ANKRD17: variants seen among roughly 807,000 people sequenced by gnomAD.
ANKRD17 encodes the protein ankyrin repeat domain-containing protein 17.
Under a neutral mutation model 229.7 loss-of-function variants are expected in ANKRD17, and 19 were observed. The observed-to-expected ratio is 0.08, with a 90% CI of 0.06 to 0.12. The LOEUF (loss-of-function observed/expected upper bound fraction) is 0.12, where lower values mean the gene tolerates loss of function less well. ANKRD17 is among the 10% of genes least tolerant of loss of function. ANKRD17 has a pLI of 1.00. For missense variants in ANKRD17, 2,176 were observed against 3,176.8 expected, an observed-to-expected ratio of 0.68 and a Z score of 7.57; for synonymous variants, 1,112 against 1,146.1, an observed-to-expected ratio of 0.97 and a Z score of 0.60.
At position 73,091,977 on chromosome 4, in the gene ANKRD17, G is replaced by A; in HGVS notation, c.5651C>T (p.Ala1884Val). 21 of 1,614,174 alleles carry A rather than the reference G, an allele frequency of 1.3e-5. No homozygotes were observed. The highest frequency in any genetic ancestry group is 1.8e-5 in the Non-Finnish European group (21 of 1,180,034). ...RPGFPVSLPL[A>V]YPPPQFAHAL... ...ATGTGCAAACTGTGGAGGAGGATATGCTAATGGAAGAGAAACTGGAAAACC... is the reference window on the plus strand; with the variant it reads ...ATGTGCAAACTGTGGAGGAGGATATACTAATGGAAGAGAAACTGGAAAACC... Residue 1884 changes from alanine to valine, a missense_variant, in exon 29 of 34, where the codon GCA becomes GTA. By Grantham distance (64) the Ala-to-Val change is moderately conservative. Coordinates refer to ENST00000358602, the MANE Select transcript of ANKRD17 (RefSeq NM_032217.5).
chr4:73,140,459 T>C (rs1363166205), intron 14 of ANKRD17, among the ~76,000 whole-genome samples, 176 bp from the exon 15 acceptor site: 1 of 152,196 alleles, frequency 6.6e-6, no homozygotes, highest in Non-Finnish European at 1.5e-5. Context: ...AAATATAAAA[T>C]GTATGTATTT....
intron 1 of ANKRD17, among the ~76,000 whole-genome samples, chr4:73,221,597 TAA>T (rs1411497978): frequency 6.6e-6 from 1 of 152,148 alleles, no homozygotes; most frequent in Non-Finnish European, 1.5e-5. Flanking sequence ...ACTGAACCAC[TAA>T]AAAGTCATGT....
intron 13 of ANKRD17, among the ~76,000 whole-genome samples, 183 bp downstream of exon 13, chr4:73,142,059 C>G (rs998895464): frequency 1.3e-5 from 2 of 152,022 alleles, no homozygotes; most frequent in Non-Finnish European, 2.9e-5. Flanking sequence ...AAAGCTAAAG[C>G]ATAATCATAT....
chr4:73,173,871 C>T (rs532793429), intron 2 of ANKRD17, among the ~76,000 whole-genome samples: 1 of 152,110 alleles, frequency 6.6e-6, no homozygotes, highest in Admixed American at 6.6e-5. Context: ...TCAGGGAAGG[C>T]AGCTAGCAGA....
chr4:73,129,494 G>T (rs1202914064), intron 16 of ANKRD17, among the ~76,000 whole-genome samples: 1 of 152,148 alleles, frequency 6.6e-6, no homozygotes, highest in East Asian at 1.9e-4. Context: ...GGGAGGCTGA[G>T]GCAGGAGGAT....
intron 1 of ANKRD17, among the ~76,000 whole-genome samples, chr4:73,204,283 C>T (rs1739129999): frequency 6.7e-6 from 1 of 149,686 alleles, no homozygotes. Flanking sequence ...ATGGCGTGAA[C>T]CCGAGAGGCG....
intron 30 of ANKRD17, 147 bp from the exon 31 acceptor site, chr4:73,079,037 T>A: frequency 9.7e-7 from 1 of 1,027,524 alleles, no homozygotes; most frequent in Non-Finnish European, 1.4e-6. Context: ...TGATGCATAT[T>A]AAAATTTGGC....
At chr4:73,242,139 C>G (rs913402703) in intron 1 of ANKRD17, among the ~76,000 whole-genome samples, 1 of 151,844 alleles carries the variant, frequency 6.6e-6, no homozygotes, top group Non-Finnish European at 1.5e-5. Context: ...TCAAAACTCA[C>G]GCAATAAGAG....
At chr4:73,100,817 A>C in intron 25 of ANKRD17, 2 of 981,832 alleles carry the variant, frequency 2.0e-6, no homozygotes, top group Non-Finnish European at 2.4e-6. Context: ...GGAGAAGGGA[A>C]ATTAAAAACA....
chr4:73,117,714 A>G (rs112312395), intron 22 of ANKRD17, among the ~76,000 whole-genome samples: 131 of 152,358 alleles, frequency 8.6e-4, no homozygotes, highest in African/African-American at 2.9e-3. Context: ...AGGGAATTTT[A>G]TCTACATATC....
chr4:73,099,665 C>T (rs577991207), intron 25 of ANKRD17, among the ~76,000 whole-genome samples: 5 of 152,208 alleles, frequency 3.3e-5, no homozygotes, highest in African/African-American at 7.2e-5. Context: ...GGTGCTGGCG[C>T]CAGGATTCCC....
chr4:73,249,752 A>T (rs1744819978), intron 1 of ANKRD17, among the ~76,000 whole-genome samples: 1 of 152,256 alleles, frequency 6.6e-6, no homozygotes, highest in South Asian at 2.1e-4. Context: ...GCTACCTGGG[A>T]GGCTGAGGCA....
chr4:73,113,695 CAAACA>C (rs774748139), intron 24 of ANKRD17, 92 bp downstream of exon 24: 283 of 997,492 alleles, frequency 2.8e-4, no homozygotes, highest in Non-Finnish European at 3.4e-4. Context: ...TAATTTAAAG[CAAACA>C]AAACAAAACA....
chr4:73,258,382 CCGCTGTTGT>C lies in ANKRD17; in HGVS notation c.278_286del (p.Asp93_Ser95del). The C allele has an allele frequency of 6.2e-7, 1 of 1,611,600 alleles. No individual in the cohort carries two copies. The highest frequency in any genetic ancestry group is 8.5e-7 in the Non-Finnish European group (1 of 1,179,640). ...GCCTCCACCGCCGCCTCCACCGCCG[CCGCTGTTGT>C]CGCTGTCGCTGCTGCTTTCGCTGCT... On this transcript the variant is annotated inframe_deletion, in exon 1 of 34. Coordinates refer to ENST00000358602, the MANE Select transcript of ANKRD17 (RefSeq NM_032217.5).
chr4:73,124,337 A>G (rs1044817400), intron 18 of ANKRD17, among the ~76,000 whole-genome samples: 3 of 149,150 alleles, frequency 2.0e-5, no homozygotes, highest in Admixed American at 6.8e-5. Flanking sequence ...CACAAGATAC[A>G]TAAGTGAGTG....
chr4:73,095,850 A>G (rs994273257), intron 27 of ANKRD17, among the ~76,000 whole-genome samples: 2 of 151,766 alleles, frequency 1.3e-5, no homozygotes, highest in Admixed American at 1.3e-4. Context: ...ATGCCCAGCT[A>G]ATTTTTTAAT....
chr4:73,201,488 A>G (rs563439270), intron 1 of ANKRD17, among the ~76,000 whole-genome samples: 5 of 152,164 alleles, frequency 3.3e-5, no homozygotes, highest in Admixed American at 1.3e-4. Flanking sequence ...GTGCGTGAGG[A>G]AAAAAAGCAA....
At chr4:73,106,596 G>A (rs913846145) in intron 24 of ANKRD17, among the ~76,000 whole-genome samples, 3 of 152,022 alleles carry the variant, frequency 2.0e-5, no homozygotes, top group Admixed American at 1.3e-4. Context: ...AAAAAAATAC[G>A]CGGGCTGGGC....
At position 73,141,944 on chromosome 4, in the gene ANKRD17, T is replaced by C. The variant is rs529355286; in HGVS notation, c.2230-101A>G. The stretch of plus-strand genomic sequence containing the variant: ...ATTAGAGATTTTTTGACAATATTTT[T>C]AATATGTCATCTTAGACAATGACAT... On this transcript the variant is annotated intron_variant, in intron 13 of 33. Coordinates refer to ENST00000358602, the MANE Select transcript of ANKRD17 (RefSeq NM_032217.5). 4.8e-5 allele frequency: 47 copies of C among 975,226 alleles called. No individual in the cohort carries two copies. The South Asian group carries it at 8.3e-4, about 17-fold the overall frequency. 60.4% of individuals were successfully genotyped at this position (975,226 alleles called of 1,614,324 possible).
Sources: gnomAD v4.1 joint callset for allele counts (sites outside exome capture counted in the v4.1 genomes callset) on GRCh38, gnomAD v4.1.1 for gene constraint, MANE v1.5 for transcripts, NCBI Gene and HGNC (gene_info 2026-07-23, HGNC 2026-07-21) for gene names.